USP34: variants seen among roughly 807,000 people sequenced by gnomAD.
USP34 encodes ubiquitin specific peptidase 34.
USP34 carries 70 observed loss-of-function variants against 460.3 expected under a neutral mutation model. The observed-to-expected ratio is 0.15, with a 90% CI of 0.13 to 0.19. USP34 has a LOEUF of 0.19. Among genes scored for constraint, USP34 ranks in the 10% least tolerant of loss-of-function variants. USP34 has a pLI of 1.00. For missense variants in USP34, 3,985 were observed against 4,236.2 expected (o/e 0.94, Z 1.65); for synonymous variants, 1,647 against 1,405.3 (o/e 1.17, Z -3.85).
chr2:61,235,819 C>T (rs766031342), intron 57 of USP34, 26 bp downstream of exon 57: 3 of 1,602,526 alleles, frequency 1.9e-6, no homozygotes, highest in African/African-American at 2.7e-5. Context: ...TTAAACTATG[C>T]ATTAGTTGTT....
rs370729896 is a variant in USP34, at chr2:61,395,239, T to TAAA, written c.553-9_553-7dup. On this transcript the variant is annotated splice_polypyrimidine_tract_variant and splice_region_variant and intron_variant, in intron 3 of 79. Coordinates refer to ENST00000398571, the MANE Select transcript of USP34 (RefSeq NM_014709.4). ...CTTTCTTGAGTTGATATATCCTAAT[T>TAAA]AAAAAAAAAAAAGCAAGTAAAATTA... is the stretch of plus-strand genomic sequence containing the variant. 5 of 1,145,922 alleles carry TAAA rather than the reference T, an allele frequency of 4.4e-6. No individual in the cohort carries two copies. Among genetic ancestry groups the TAAA allele is most frequent in the Non-Finnish European group, 6.0e-6 (5 of 827,760 alleles). The allele number at this position is 1,145,922 out of a possible 1,614,324, so 71.0% of individuals were successfully genotyped here.
intron 27 of USP34, among the ~76,000 whole-genome samples, chr2:61,306,421 T>C (rs1397654909): frequency 6.6e-6 from 1 of 152,218 alleles, no homozygotes; most frequent in Non-Finnish European, 1.5e-5. Flanking sequence ...TCTGTTCCAC[T>C]GGTCTATATC....
At chr2:61,424,742 A>C (rs931238359) in intron 1 of USP34, among the ~76,000 whole-genome samples, 3 of 152,108 alleles carry the variant, frequency 2.0e-5, no homozygotes, top group African/African-American at 7.2e-5. Context: ...AGTAAATTTT[A>C]TGTTCTATAT....
chr2:61,240,067 T>A (rs975038588), intron 53 of USP34, among the ~76,000 whole-genome samples: 2 of 152,018 alleles, frequency 1.3e-5, no homozygotes, highest in African/African-American at 2.4e-5. Context: ...ATTTTTTTTT[T>A]ATCCAGATAG....
At chr2:61,293,422 G>T (rs969112987) in intron 33 of USP34, 42 bp downstream of exon 33, 4 of 1,461,642 alleles carry the variant, frequency 2.7e-6, no homozygotes, top group Non-Finnish European at 3.8e-6. Flanking sequence ...TTTCAAATGG[G>T]ATAACTACTG....
chr2:61,334,096 A>G lies in USP34; in HGVS notation c.2745-125T>C, dbSNP rs1691349307. 3 of 585,904 alleles carry G rather than the reference A, an allele frequency of 5.1e-6. No homozygotes were observed. The South Asian group carries it at 1.4e-4, about 27-fold the overall frequency. The allele number at this position is 585,904 out of a possible 1,614,324, so 36.3% of individuals were successfully genotyped here. A position where few individuals can be genotyped will look rare whatever the true frequency, so the allele number is the denominator to read the frequency against. ...CATAGAGACATATTATTACACAAAC[A>G]TTAAACTTTTTTTCTCAGAAGTATA... On this transcript the variant is annotated intron_variant, in intron 18 of 79. Coordinates refer to ENST00000398571, the MANE Select transcript of USP34 (RefSeq NM_014709.4).
intron 76 of USP34, chr2:61,191,216 G>A (rs1177662240): frequency 3.9e-5 from 6 of 152,266 alleles, no homozygotes; most frequent in African/African-American, 1.4e-4. Flanking sequence ...CAGAATCAGT[G>A]GTCTCAATAT....
chr2:61,275,006 G>T (rs1689329259), intron 41 of USP34, among the ~76,000 whole-genome samples: 1 of 152,156 alleles, frequency 6.6e-6, no homozygotes, highest in Non-Finnish European at 1.5e-5. Context: ...GCCAGGCATG[G>T]TGGCTCATGC....
At chr2:61,267,375 T>G (rs777953192) in intron 41 of USP34, among the ~76,000 whole-genome samples, 17 of 152,078 alleles carry the variant, frequency 1.1e-4, no homozygotes, top group Non-Finnish European at 2.4e-4. Context: ...TGTTAAAGAA[T>G]GTGTAATTCA....
At chr2:61,223,335 T>G in intron 62 of USP34, 39 bp from the exon 63 acceptor site, 1 of 1,583,292 alleles carries the variant, frequency 6.3e-7, no homozygotes, top group Non-Finnish European at 8.6e-7. Context: ...TTTTCTTCCT[T>G]CTGTATTACT....
At chr2:61,341,887 C>T (rs112125895) in intron 16 of USP34, among the ~76,000 whole-genome samples, 15 of 151,296 alleles carry the variant, frequency 9.9e-5, no homozygotes, top group African/African-American at 2.4e-4. Context: ...CTCAGCGTCC[C>T]GAGTAGCTGG....
chr2:61,347,844 G>C, intron 15 of USP34, 26 bp downstream of exon 15: 3 of 1,605,766 alleles, frequency 1.9e-6, no homozygotes, highest in Non-Finnish European at 2.6e-6. Context: ...AATATGAACT[G>C]AATATTTATT....
intron 69 of USP34, among the ~76,000 whole-genome samples, 172 bp from the exon 70 acceptor site, chr2:61,209,149 A>C (rs556292174): frequency 7.2e-5 from 11 of 152,214 alleles, no homozygotes; most frequent in Non-Finnish European, 1.3e-4. Flanking sequence ...AATAATATTA[A>C]ATAAACTCTA....
rs1444314468 is a variant in USP34 at position 61,214,667 on chromosome 2, A to G, written c.8075T>C (p.Ile2692Thr). 1.9e-6 allele frequency: 3 copies of G among 1,614,034 alleles called. No homozygotes were observed. Among genetic ancestry groups the G allele is most frequent in the African/African-American group, 1.3e-5 (1 of 74,936 alleles). ...CATCTGACGGAATGAATTGCTTGGT[A>G]TAAGGGACACCAGAAGATAAGCTGC... ...TSAAYLLVSL[I>T]PSNSFRQMFR... Residue 2692 changes from isoleucine (I) to threonine (T), a missense_variant, in exon 68 of 80, where the codon ATA (isoleucine) becomes ACA (threonine). Physicochemically the swap from Ile to Thr is moderately conservative, Grantham distance 89. Coordinates refer to ENST00000398571, the MANE Select transcript of USP34 (RefSeq NM_014709.4).
At chr2:61,356,297 G>A (rs1463704838) in intron 10 of USP34, among the ~76,000 whole-genome samples, 1 of 152,076 alleles carries the variant, frequency 6.6e-6, no homozygotes, top group African/African-American at 2.4e-5. Flanking sequence ...AGACTAGCCA[G>A]GTCAACATGG....
At chr2:61,254,805 A>C (rs537552115) in intron 48 of USP34, among the ~76,000 whole-genome samples, 49 of 152,320 alleles carry the variant, frequency 3.2e-4, no homozygotes, top group Non-Finnish European at 7.1e-4. Context: ...ATAAAGGGAA[A>C]AAATTGTATA....
chr2:61,395,254 A>T, intron 3 of USP34, 21 bp from the exon 4 acceptor site: 1 of 1,356,218 alleles, frequency 7.4e-7, no homozygotes, highest in African/African-American at 1.5e-5. Context: ...AAAAAAAAGC[A>T]AGTAAAATTA....
chr2:61,262,639 G>A (rs947700934), intron 43 of USP34, among the ~76,000 whole-genome samples: 1 of 152,108 alleles, frequency 6.6e-6, no homozygotes, highest in African/African-American at 2.4e-5. Flanking sequence ...CACTGCTGTG[G>A]TAAACATGCT....
chr2:61,337,628 T>C (rs982957977), intron 18 of USP34, among the ~76,000 whole-genome samples: 6 of 152,092 alleles, frequency 3.9e-5, no homozygotes, highest in African/African-American at 1.4e-4. Context: ...ATACTTTTAT[T>C]TGTATTTTTT....
Sources: gnomAD v4.1 joint callset for allele counts (sites outside exome capture counted in the v4.1 genomes callset) on GRCh38, gnomAD v4.1.1 for gene constraint, MANE v1.5 for transcripts, NCBI Gene and HGNC (gene_info 2026-07-23, HGNC 2026-07-21) for gene names.